Variants in PCDH11X observed in about 807,000 individuals in gnomAD.
PCDH11X encodes protocadherin 11 X-linked, also known as protocadherin-11 X-linked.
In PCDH11X, 18 loss-of-function variants were observed where a neutral mutation model predicts 53.3. The ratio of observed to expected loss-of-function variants is 0.34; its 90% CI spans 0.23 to 0.50. The LOEUF is 0.50. Ranked by LOEUF, PCDH11X falls within the 20% of genes least tolerant of loss-of-function variation. The pLI, the probability that PCDH11X is intolerant of heterozygous loss-of-function variation, is 0.98. For synonymous variants in PCDH11X, 279 were observed against 393.3 expected (o/e 0.71, Z 3.44); for missense variants, 570 against 1,032.4 (o/e 0.55, Z 6.14).
intron 8 of PCDH11X, among the ~76,000 whole-genome samples, chrX:92,315,823 A>G (rs1240789266): frequency 6.4e-5 from 7 of 109,816 alleles, no homozygotes. Context: ...GGGGTGAGCC[A>G]CCACCCCTGG....
intron 9 of PCDH11X, among the ~76,000 whole-genome samples, chrX:92,422,672 C>T (rs1334957456): frequency 9.0e-6 from 1 of 111,003 alleles, no homozygotes; most frequent in East Asian, 2.8e-4. Context: ...GGTAGATATT[C>T]GGTAGTGGGA....
chrX:91,830,367 T>A (rs1254358261), intron 4 of PCDH11X, among the ~76,000 whole-genome samples: 1 of 111,835 alleles, frequency 8.9e-6, no homozygotes, highest in African/African-American at 3.3e-5. Context: ...GTTTGTGGAA[T>A]AAAATTTAAC....
intron 6 of PCDH11X, among the ~76,000 whole-genome samples, chrX:92,096,935 A>T: frequency 8.9e-6 from 1 of 111,763 alleles, no homozygotes; most frequent in Middle Eastern, 4.6e-3. Flanking sequence ...AATATATGGG[A>T]AAAGTTAGGA....
chrX:92,550,212 T>C (rs979035419), intron 10 of PCDH11X, among the ~76,000 whole-genome samples: 4 of 110,391 alleles, frequency 3.6e-5, no homozygotes, highest in African/African-American at 6.6e-5. Context: ...CCTTTGTGCC[T>C]GGGTTATTTC....
chrX:92,433,493 G>A (rs1223390008), intron 9 of PCDH11X, among the ~76,000 whole-genome samples: 1 of 110,286 alleles, frequency 9.1e-6, no homozygotes, highest in African/African-American at 3.3e-5. Context: ...GCAGCTGGAA[G>A]AGGTCCCATA....
chrX:92,189,086 A>G lies in PCDH11X; in HGVS notation c.3034-12289A>G, dbSNP rs529859587. 6.3e-5 allele frequency among the ~76,000 whole-genome samples: 7 copies of G among 110,974 alleles called. No individual in the cohort carries two copies. In the South Asian group the frequency reaches 2.7e-3, roughly 42 times the overall value. On this transcript the variant is annotated intron_variant, in intron 6 of 10. Coordinates refer to ENST00000682573, the MANE Select transcript of PCDH11X (RefSeq NM_032968.5). The stretch of plus-strand genomic sequence containing the variant: ...TTTCAACTTTTAAGTTCTAGGGTAC[A>G]TGTGCAGGATGTGCAGGTTTCTTAC...
intron 8 of PCDH11X, among the ~76,000 whole-genome samples, chrX:92,359,965 A>T (rs2148538212): frequency 9.0e-6 from 1 of 111,058 alleles, no homozygotes; most frequent in Non-Finnish European, 1.9e-5. Context: ...AACAGCAAAC[A>T]AATCTATGTG....
At chrX:92,595,991 A>G (rs1925548450) in intron 10 of PCDH11X, among the ~76,000 whole-genome samples, 1 of 110,331 alleles carries the variant, frequency 9.1e-6, no homozygotes, top group Non-Finnish European at 1.9e-5. Context: ...CTGAAGTGCT[A>G]CCTCCTCATG....
Position 91,841,271 on chromosome X carries a change from G to A in PCDH11X, c.540+5227G>A, listed in dbSNP as rs372094797. Among the ~76,000 whole-genome samples, 233 of 111,534 alleles carry A rather than the reference G, an allele frequency of 2.1e-3. 8 individuals are homozygous for A. In the South Asian group the frequency reaches 0.066, roughly 32 times the overall value. ...ATCAGAGTCTTGGTTAGTGTTCATC[G>A]TCCACTAATGCCTTTTGTTAAATAC... On this transcript the variant is annotated intron_variant, in intron 5 of 10. Transcript: ENST00000682573.
intron 1 of PCDH11X, among the ~76,000 whole-genome samples, chrX:91,804,210 T>G (rs978980419): frequency 5.4e-5 from 6 of 112,145 alleles, no homozygotes; most frequent in African/African-American, 1.9e-4. Flanking sequence ...AAAAGAATAT[T>G]GTATCCTTAA....
chrX:92,063,189 C>T (rs181083382), intron 6 of PCDH11X, among the ~76,000 whole-genome samples: 2 of 33,793 alleles, frequency 5.9e-5, no homozygotes, highest in African/African-American at 2.1e-4. Context: ...CCAGGCCTGT[C>T]GGGGGGTGGG....
intron 6 of PCDH11X, among the ~76,000 whole-genome samples, chrX:92,160,794 G>T (rs1215108046): frequency 9.1e-6 from 1 of 110,375 alleles, no homozygotes; most frequent in African/African-American, 3.3e-5. Context: ...TCCACCAGCA[G>T]TATAGAAGTG....
intron 6 of PCDH11X, among the ~76,000 whole-genome samples, chrX:91,986,629 C>A (rs1237489195): frequency 1.8e-5 from 2 of 109,315 alleles, no homozygotes; most frequent in Non-Finnish European, 3.8e-5. Flanking sequence ...CCTTCCTTGG[C>A]TCATGTCTCT....
chrX:92,299,355 T>C (rs1271241421), intron 8 of PCDH11X, among the ~76,000 whole-genome samples: 1 of 111,210 alleles, frequency 9.0e-6, no homozygotes, highest in Non-Finnish European at 1.9e-5. Flanking sequence ...GAGGTCTGTG[T>C]TAGTGAGACC....
At chrX:92,075,183 T>G (rs186650808) in intron 6 of PCDH11X, among the ~76,000 whole-genome samples, 12,110 of 108,843 alleles carry the variant, frequency 0.11, 753 homozygotes, top group Admixed American at 0.26. Flanking sequence ...TTCTGGTTTC[T>G]ACCTGCATCT....
At chrX:92,416,844 CTGA>C (rs1293847128) in intron 9 of PCDH11X, among the ~76,000 whole-genome samples, 2 of 111,542 alleles carry the variant, frequency 1.8e-5, no homozygotes, top group Non-Finnish European at 3.8e-5. Context: ...TTTATTTATT[CTGA>C]TAACTGAATA....
At chrX:92,418,668 T>C (rs141006591) in intron 9 of PCDH11X, among the ~76,000 whole-genome samples, 20,648 of 108,973 alleles carry the variant, frequency 0.19, 1,821 homozygotes, top group Middle Eastern at 0.27. Context: ...CATAGTTTAC[T>C]GTGACCTCAA....
At chrX:92,082,014 TTTA>T (rs1369069689) in intron 6 of PCDH11X, among the ~76,000 whole-genome samples, 1 of 110,468 alleles carries the variant, frequency 9.1e-6, no homozygotes, top group Non-Finnish European at 1.9e-5. Flanking sequence ...GTAGGTACAG[TTTA>T]TTATCTTTGT....
At chrX:91,848,057 CTAAA>C (rs1318383545) in intron 5 of PCDH11X, among the ~76,000 whole-genome samples, 1 of 111,663 alleles carries the variant, frequency 9.0e-6, no homozygotes, top group Non-Finnish European at 1.9e-5. Context: ...ACATATTTCC[CTAAA>C]TAGCCATTTG....
Sources: allele counts gnomAD v4.1 joint callset (sites outside exome capture counted in the v4.1 genomes callset), GRCh38; gene constraint gnomAD v4.1.1; transcripts MANE v1.5; gene names NCBI Gene and HGNC (gene_info 2026-07-23, HGNC 2026-07-21).